LIN54: variants seen among roughly 807,000 people sequenced by gnomAD.
LIN54 encodes lin-54 DREAM MuvB core complex component.
Under a neutral mutation model 78.7 loss-of-function variants are expected in LIN54, and 9 were observed. That is an observed-to-expected ratio of 0.11 (90% CI 0.07 to 0.20). The LOEUF (loss-of-function observed/expected upper bound fraction) is 0.20, where lower values mean the gene tolerates loss of function less well. LIN54 is among the 10% of genes least tolerant of loss of function. LIN54 has a pLI of 1.00. For synonymous variants in LIN54, 269 were observed against 318.4 expected, an observed-to-expected ratio of 0.84 and a Z score of 1.65; for missense variants, 573 against 889.9, an observed-to-expected ratio of 0.64 and a Z score of 4.53.
intron 1 of LIN54, among the ~76,000 whole-genome samples, chr4:83,001,429 A>C (rs1728761114): frequency 2.6e-5 from 4 of 152,098 alleles, no homozygotes; most frequent in Admixed American, 2.6e-4. Flanking sequence ...GTGCACCTGT[A>C]GTCCCAGCTA....
intron 4 of LIN54, among the ~76,000 whole-genome samples, chr4:82,949,084 C>A (rs1366477664): frequency 2.6e-5 from 4 of 152,122 alleles, no homozygotes; most frequent in Non-Finnish European, 4.4e-5. Context: ...TCTTTAGAAA[C>A]CTCCACACTG....
At chr4:82,993,584 A>T (rs1727931341) in intron 1 of LIN54, among the ~76,000 whole-genome samples, 1 of 151,718 alleles carries the variant, frequency 6.6e-6, no homozygotes. Flanking sequence ...TGGTCTTTAT[A>T]TATTGCTTCC....
intron 4 of LIN54, among the ~76,000 whole-genome samples, chr4:82,950,497 C>T (rs1425336410): frequency 6.6e-6 from 1 of 152,190 alleles, no homozygotes; most frequent in East Asian, 1.9e-4. Flanking sequence ...ATTACAGTGG[C>T]CTGCAAAGAA....
At chr4:82,968,754 C>T (rs925741991) in intron 4 of LIN54, among the ~76,000 whole-genome samples, 3 of 152,188 alleles carry the variant, frequency 2.0e-5, no homozygotes, top group Non-Finnish European at 4.4e-5. Context: ...TAACTGGTCT[C>T]TCCCACAATA....
chr4:82,995,488 TC>T lies in LIN54; in HGVS notation c.-32-10613del, dbSNP rs1426728102. Among the ~76,000 whole-genome samples, 226 of 72,360 alleles carry T rather than the reference TC, an allele frequency of 3.1e-3. 1 individual carries two copies. Among genetic ancestry groups the T allele is most frequent in the African/African-American group, 0.012 (215 of 17,514 alleles). The allele number at this position is 72,360 out of a possible 152,430, so 47.5% of individuals were successfully genotyped here. On this transcript the variant is annotated intron_variant, in intron 1 of 12. Coordinates refer to ENST00000340417, the MANE Select transcript of LIN54 (RefSeq NM_194282.4). ...TGTCTTATGATTACACATCCTTATC[TC>T]TTTTTTTTTTTTTTTTTTTTTTTTG...
Position 83,001,959 on chromosome 4 carries a change from G to A in LIN54, c.-33+8525C>T, listed in dbSNP as rs12648763. Among the ~76,000 whole-genome samples, 9 of 5,232 alleles carry A rather than the reference G, an allele frequency of 1.7e-3. 1 individual carries two copies. The highest frequency in any genetic ancestry group is 4.0e-3 in the African/African-American group (9 of 2,264). The allele number at this position is 5,232 out of a possible 152,430, so 3.4% of individuals were successfully genotyped here. A position where few individuals can be genotyped will look rare whatever the true frequency, so the allele number is the denominator to read the frequency against. ...GGAAGGAAGGAAGGAAGGAAGGAAG[G>A]AAGGAAGGAAGGAAGGAAGGGAGGG... On this transcript the variant is annotated intron_variant, in intron 1 of 12. Transcript: ENST00000340417.
At chr4:82,965,028 A>G (rs1725093322) in intron 4 of LIN54, among the ~76,000 whole-genome samples, 1 of 152,192 alleles carries the variant, frequency 6.6e-6, no homozygotes, top group South Asian at 2.1e-4. Context: ...TTCAAGAAAA[A>G]ATAAATTTTT....
chr4:82,997,779 G>A (rs1428513909), intron 1 of LIN54, among the ~76,000 whole-genome samples: 4 of 151,288 alleles, frequency 2.6e-5, no homozygotes, highest in Admixed American at 1.3e-4. Context: ...GATCACCTGA[G>A]GTCAGGAGTT....
intron 8 of LIN54, 69 bp from the exon 9 acceptor site, chr4:82,937,367 A>C: frequency 1.0e-6 from 1 of 981,210 alleles, no homozygotes; most frequent in East Asian, 2.9e-5. Context: ...TAGTTGCTAC[A>C]ACTAATTTAA....
At chr4:83,005,736 T>C (rs1729301511) in intron 1 of LIN54, among the ~76,000 whole-genome samples, 1 of 152,172 alleles carries the variant, frequency 6.6e-6, no homozygotes, top group African/African-American at 2.4e-5. Flanking sequence ...ATCTTAGTGA[T>C]TTCTAAAAGA....
intron 4 of LIN54, among the ~76,000 whole-genome samples, chr4:82,949,361 T>C (rs1232579909): frequency 6.8e-6 from 1 of 148,116 alleles, no homozygotes; most frequent in Non-Finnish European, 1.5e-5. Context: ...TTGGGTTGTT[T>C]TTCTACTATT....
At chr4:82,978,601 C>A (rs1726366087) in intron 3 of LIN54, among the ~76,000 whole-genome samples, 1 of 152,106 alleles carries the variant, frequency 6.6e-6, no homozygotes. Context: ...AGAATGGTGC[C>A]TAGCACACAG....
At chr4:82,991,886 G>T (rs182932370) in intron 1 of LIN54, among the ~76,000 whole-genome samples, 3 of 151,856 alleles carry the variant, frequency 2.0e-5, no homozygotes, top group South Asian at 2.1e-4. Flanking sequence ...CTAATATTTT[G>T]TTAAACATTT....
At chr4:82,966,431 T>C (rs968425305) in intron 4 of LIN54, among the ~76,000 whole-genome samples, 15 of 150,314 alleles carry the variant, frequency 1.0e-4, no homozygotes, top group Admixed American at 8.0e-4. Context: ...TAAACGATGG[T>C]ATCCCTATCA....
At chr4:82,999,346 A>G (rs924853676) in intron 1 of LIN54, among the ~76,000 whole-genome samples, 3 of 152,232 alleles carry the variant, frequency 2.0e-5, no homozygotes, top group Non-Finnish European at 4.4e-5. Context: ...ATTTCAAGAT[A>G]AATGAATCCA....
intron 3 of LIN54, among the ~76,000 whole-genome samples, chr4:82,976,480 C>G (rs1726171864): frequency 6.6e-6 from 1 of 152,016 alleles, no homozygotes; most frequent in African/African-American, 2.4e-5. Flanking sequence ...GAGGCCAAGA[C>G]AGGTGGATCA....
upstream of LIN54, chr4:83,012,938 C>T (rs995051358): frequency 6.6e-6 from 1 of 152,508 alleles, no homozygotes; most frequent in Non-Finnish European, 1.5e-5. Flanking sequence ...TCCCATAATA[C>T]GCTGGGCCCT....
intron 12 of LIN54, 63 bp from the exon 13 acceptor site, chr4:82,928,366 A>C: frequency 1.6e-6 from 2 of 1,279,172 alleles, no homozygotes; most frequent in Non-Finnish European, 2.3e-6. Context: ...AGTGGATAAC[A>C]TTCTTTCATC....
intron 3 of LIN54, among the ~76,000 whole-genome samples, chr4:82,975,404 G>A (rs1726082181): frequency 2.0e-5 from 3 of 151,728 alleles, no homozygotes; most frequent in Admixed American, 1.3e-4. Flanking sequence ...TTAAAAATAA[G>A]TTTTTTAAAA....
Sources: gnomAD v4.1 joint callset for allele counts (sites outside exome capture counted in the v4.1 genomes callset) on GRCh38, gnomAD v4.1.1 for gene constraint, MANE v1.5 for transcripts, NCBI Gene and HGNC (gene_info 2026-07-23, HGNC 2026-07-21) for gene names.